Variants in PYROXD1 observed in about 807,000 individuals in gnomAD.
The protein encoded by PYROXD1 is pyridine nucleotide-disulphide oxidoreductase domain 1.
A neutral mutation model predicts 62.0 loss-of-function variants in PYROXD1; 42 were observed. That is an observed-to-expected ratio of 0.68 (90% CI 0.53 to 0.88). The LOEUF is 0.88. PYROXD1 is among the 40% of genes least tolerant of loss of function. PYROXD1 has a pLI of 0.00. For missense variants in PYROXD1, 493 were observed against 604.8 expected, an observed-to-expected ratio of 0.82 and a Z score of 1.94; for synonymous variants, 170 against 206.4, an observed-to-expected ratio of 0.82 and a Z score of 1.51.
intron 1 of PYROXD1, among the ~76,000 whole-genome samples, chr12:21,438,903 C>T (rs1444315139): frequency 6.6e-6 from 1 of 152,106 alleles, no homozygotes; most frequent in Non-Finnish European, 1.5e-5. Context: ...TGGGGACTCA[C>T]AGCCTGCTGG....
intron 3 of PYROXD1, chr12:21,447,803 G>A (rs11046056): frequency 0.49 from 79,359 of 162,092 alleles, 19,521 homozygotes; most frequent in Middle Eastern, 0.56. Context: ...TGGCTAACAC[G>A]GTGAAATCCC....
rs765945120 is a variant in PYROXD1, at chr12:21,461,140, T to C, written c.866T>C (p.Val289Ala). 15 of 1,548,672 alleles carry C rather than the reference T, an allele frequency of 9.7e-6. No homozygotes were observed. Among genetic ancestry groups the C allele is most frequent in the Non-Finnish European group, 1.2e-5 (14 of 1,150,270 alleles). ...SFTFPRDHKSVTADTEMWPVY... is the reference protein window; with the variant it reads ...SFTFPRDHKSATADTEMWPVY... ...ACTTTTCCAAGAGACCATAAGTCAGTTACAGCTGATACAGGCAAGTAATGA... is the reference window on the plus strand; with the variant it reads ...ACTTTTCCAAGAGACCATAAGTCAGCTACAGCTGATACAGGCAAGTAATGA... Residue 289 changes from valine (V) to alanine (A), a missense_variant, in exon 8 of 12, where the codon GTT becomes GCT. This residue lies in a region of PYROXD1 where 329 missense variants were observed against 446.6 expected (regional missense o/e 0.74). Transcript: ENST00000240651.
At chr12:21,467,640 A>T (rs376565504) in intron 11 of PYROXD1, 22 bp downstream of exon 11, 4 of 1,570,910 alleles carry the variant, frequency 2.5e-6, no homozygotes, top group Non-Finnish European at 3.5e-6. Flanking sequence ...AAGCATATTA[A>T]TGCCTTCTCT....
chr12:21,439,245 G>A (rs1234096222), intron 1 of PYROXD1, among the ~76,000 whole-genome samples: 2 of 152,156 alleles, frequency 1.3e-5, no homozygotes, highest in Non-Finnish European at 2.9e-5. Flanking sequence ...ATATGAAAAG[G>A]CTTGAAAGAT....
intron 1 of PYROXD1, chr12:21,438,098 G>C (rs774156762): frequency 4.9e-5 from 20 of 411,248 alleles, no homozygotes; most frequent in Non-Finnish European, 8.6e-5. Context: ...CAGACATGAG[G>C]ACTTTGTATT....
At chr12:21,443,538 CT>C (rs1438820980) in intron 2 of PYROXD1, among the ~76,000 whole-genome samples, 1 of 151,992 alleles carries the variant, frequency 6.6e-6, no homozygotes, top group Non-Finnish European at 1.5e-5. Context: ...TGTAGCTCAA[CT>C]GTTAAAAAGT....
rs747100043 is a variant in PYROXD1, at chr12:21,468,637, T to G, written c.1386T>G (p.Ile462Met). The G allele has an allele frequency of 6.2e-7, 1 of 1,613,034 alleles. No homozygotes were observed. Residue 462 changes from isoleucine to methionine, a missense_variant, in exon 12 of 12, where the codon ATT becomes ATG. Transcript: ENST00000240651. ...GACGAATGATGGGAGCTGTCTTAATTGGTGAAACCGATTTAGAAGAAACAT... is the reference window on the plus strand; with the variant it reads ...GACGAATGATGGGAGCTGTCTTAATGGGTGAAACCGATTTAGAAGAAACAT... The part of the protein sequence containing the change: ...QNGRMMGAVL[I>M]GETDLEETFE...
chr12:21,461,183 A>G (rs909699288), intron 8 of PYROXD1, 29 bp downstream of exon 8: 1 of 1,351,074 alleles, frequency 7.4e-7, no homozygotes, highest in Non-Finnish European at 9.9e-7. Context: ...AAAAATATAT[A>G]TAACCACTTA....
At chr12:21,468,100 C>T (rs1442208733) in intron 11 of PYROXD1, among the ~76,000 whole-genome samples, 1 of 151,656 alleles carries the variant, frequency 6.6e-6, no homozygotes, top group African/African-American at 2.4e-5. Context: ...CATGAAAGCT[C>T]TAATTCAGTT....
intron 4 of PYROXD1, among the ~76,000 whole-genome samples, chr12:21,451,699 T>G (rs1241584931): frequency 6.6e-6 from 1 of 152,126 alleles, no homozygotes; most frequent in African/African-American, 2.4e-5. Context: ...TTCCTAGAAG[T>G]TTTAAGTGTT....
chr12:21,447,504 T>A (rs1183705969), intron 3 of PYROXD1: 1 of 158,516 alleles, frequency 6.3e-6, no homozygotes, highest in Middle Eastern at 3.2e-3. Context: ...ATATCCCACA[T>A]GCAGTGCATG....
chr12:21,465,312 C>T (rs1942772085), intron 10 of PYROXD1, among the ~76,000 whole-genome samples: 1 of 152,134 alleles, frequency 6.6e-6, no homozygotes, highest in African/African-American at 2.4e-5. Flanking sequence ...CCTATTTCTC[C>T]ACATCCTCTC....
Position 21,471,068 on chromosome 12 carries a change from G to C in PYROXD1, c.*2314G>C, listed in dbSNP as rs1412385354. ...TAGGTCCTATTTTCAAATACGAAAT[G>C]GTAGCATAAGCTGTAAAACTGTAGT... On this transcript the variant is annotated 3_prime_UTR_variant, in exon 12 of 12. Coordinates refer to ENST00000240651, the MANE Select transcript of PYROXD1 (RefSeq NM_024854.5). The C allele has an allele frequency of 1.9e-6, 3 of 1,600,274 alleles. No individual in the cohort carries two copies. The highest frequency in any genetic ancestry group is 2.6e-6 in the Non-Finnish European group (3 of 1,174,572).
At chr12:21,461,884 T>A (rs2137281372) in intron 8 of PYROXD1, 124 bp from the exon 9 acceptor site, 1 of 535,162 alleles carries the variant, frequency 1.9e-6, no homozygotes, top group African/African-American at 1.9e-5. Flanking sequence ...AGGAGTGTGT[T>A]ACAAAGTTAT....
In PYROXD1 at chr12:21,469,050, T is replaced by C; in HGVS notation, c.*296T>C. The stretch of plus-strand genomic sequence containing the variant: ...ACTTGTGATTTAGCTTTGGAGCAAA[T>C]TTAGGTAAGTTATCTACTTAGCCAA... On this transcript the variant is annotated 3_prime_UTR_variant, in exon 12 of 12. Coordinates refer to ENST00000240651, the MANE Select transcript of PYROXD1 (RefSeq NM_024854.5). 3.7e-6 allele frequency: 1 copy of C among 269,002 alleles called. No homozygotes were observed. Among genetic ancestry groups the C allele is most frequent in the Non-Finnish European group, 7.2e-6 (1 of 139,552 alleles). 16.7% of individuals were successfully genotyped at this position (269,002 alleles called of 1,614,324 possible). A position where few individuals can be genotyped will look rare whatever the true frequency, so the allele number is the denominator to read the frequency against.
chr12:21,447,347 T>G (rs563814589), intron 3 of PYROXD1, among the ~76,000 whole-genome samples: 2 of 152,334 alleles, frequency 1.3e-5, no homozygotes, highest in South Asian at 2.1e-4. Flanking sequence ...CTAATACTTA[T>G]AGTGGTATTA....
intron 6 of PYROXD1, 132 bp downstream of exon 6, chr12:21,455,424 A>T (rs1164049773): frequency 2.8e-6 from 1 of 361,142 alleles, no homozygotes; most frequent in African/African-American, 2.2e-5. Flanking sequence ...CTTTACATGA[A>T]GTTTTCAGAT....
At chr12:21,459,183 G>A (rs1942650814) in intron 7 of PYROXD1, among the ~76,000 whole-genome samples, 1 of 152,168 alleles carries the variant, frequency 6.6e-6, no homozygotes, top group Non-Finnish European at 1.5e-5. Context: ...CATGATTAGA[G>A]TTTAGACTTT....
chr12:21,461,473 G>T (rs1028507572), intron 8 of PYROXD1, among the ~76,000 whole-genome samples: 11 of 152,106 alleles, frequency 7.2e-5, no homozygotes, highest in Non-Finnish European at 2.9e-5. Context: ...AAATCAGATT[G>T]AAAATGTATA....
Sources: gnomAD v4.1 joint callset for allele counts (sites outside exome capture counted in the v4.1 genomes callset) on GRCh38, gnomAD v4.1.1 for gene constraint, gnomAD v4.1.1 regional missense constraint, MANE v1.5 for transcripts, NCBI Gene and HGNC (gene_info 2026-07-23, HGNC 2026-07-21) for gene names.